SORCS2: variants seen among roughly 807,000 people sequenced by gnomAD.
SORCS2 encodes the protein sortilin related VPS10 domain containing receptor 2, also known as VPS10 domain-containing receptor SorCS2.
SORCS2 carries 100 observed loss-of-function variants against 141.6 expected under a neutral mutation model. The observed-to-expected ratio is 0.71, with a 90% CI of 0.60 to 0.83. The LOEUF is 0.83. Among genes scored for constraint, SORCS2 ranks in the 40% least tolerant of loss-of-function variants. The pLI, the probability that SORCS2 is intolerant of heterozygous loss-of-function variation, is 0.00. For synonymous variants in SORCS2, 789 were observed against 676.9 expected, an observed-to-expected ratio of 1.17 and a Z score of -2.57; for missense variants, 1,646 against 1,560.2, an observed-to-expected ratio of 1.05 and a Z score of -0.93.
intron 2 of SORCS2, chr4:7,434,070 G>A (rs34136551): frequency 0.041 from 66,543 of 1,611,320 alleles, 1,605 homozygotes; most frequent in Middle Eastern, 0.064. Context: ...AGGGGACCCC[G>A]TCCATGGCCA....
chr4:7,304,559 G>A (rs940521724), intron 1 of SORCS2, among the ~76,000 whole-genome samples: 7 of 152,252 alleles, frequency 4.6e-5, no homozygotes, highest in African/African-American at 7.2e-5. Context: ...GCCTGTGAGA[G>A]CCAGGTAGCG....
rs1366326130 is a variant in SORCS2 at position 7,193,827 on chromosome 4, G to A, written c.480+701G>A. On this transcript the variant is annotated intron_variant, in intron 1 of 26. Coordinates refer to ENST00000507866, the MANE Select transcript of SORCS2 (RefSeq NM_020777.3). This position sits in a 1 kb window ranked among gnomAD's most constrained non-coding sequence, Gnocchi z 4.8. ...TCCCTGCCCTCCCCCCACCTTCCCG[G>A]CTACTCTGGCTTTGCTCCAGCTGGA... 1.3e-5 allele frequency among the ~76,000 whole-genome samples: 2 copies of A among 152,134 alleles called. No individual in the cohort carries two copies. Among genetic ancestry groups the A allele is most frequent in the African/African-American group, 2.4e-5 (1 of 41,426 alleles).
intron 20 of SORCS2, 93 bp from the exon 21 acceptor site, chr4:7,726,686 CA>C: frequency 2.0e-6 from 3 of 1,502,542 alleles, no homozygotes; most frequent in Non-Finnish European, 2.7e-6. Flanking sequence ...AAGGGGACAG[CA>C]ATGCTCTCAG....
rs1054963701 is a variant in SORCS2, at chr4:7,451,991, C to T, written c.548+55636C>T. ...GCAGGAAGTGCCCTTCACAGTGTGACCCAGGCCCTATTCTGTGCCTTCTCT... is the reference window on the plus strand; with the variant it reads ...GCAGGAAGTGCCCTTCACAGTGTGATCCAGGCCCTATTCTGTGCCTTCTCT... On this transcript the variant is annotated intron_variant, in intron 2 of 26. Transcript: ENST00000507866. Among the ~76,000 whole-genome samples the T allele has an allele frequency of 9.2e-5, 14 of 152,176 alleles. 1 individual carries two copies. The highest frequency in any genetic ancestry group is 2.6e-4 in the Admixed American group (4 of 15,282).
intron 3 of SORCS2, among the ~76,000 whole-genome samples, chr4:7,540,163 TCCC>T (rs1712495975): frequency 6.5e-4 from 1 of 1,546 alleles, no homozygotes; most frequent in Non-Finnish European, 4.7e-3. Flanking sequence ...CCCCTGCCTC[TCCC>T]TGCCCCTCCC....
At chr4:7,403,961 G>GTATGTATATATATATATA (rs1724757831) in intron 2 of SORCS2, among the ~76,000 whole-genome samples, 2 of 29,888 alleles carry the variant, frequency 6.7e-5, no homozygotes, top group African/African-American at 2.1e-4. Context: ...CTCCATGTGT[G>GTATGTATATATATATATA]TATATATATA....
At chr4:7,646,065 C>T (rs61556250) in intron 4 of SORCS2, among the ~76,000 whole-genome samples, 3,834 of 152,358 alleles carry the variant, frequency 0.025, 170 homozygotes, top group African/African-American at 0.087. Flanking sequence ...CTTGCGCACC[C>T]GGCAGCCACG....
At chr4:7,215,946 G>GCT (rs1560117117) in intron 1 of SORCS2, among the ~76,000 whole-genome samples, 3 of 151,068 alleles carry the variant, frequency 2.0e-5, no homozygotes, top group African/African-American at 7.3e-5. Flanking sequence ...AAAGCAGGCT[G>GCT]CCGGAGCCAG....
intron 2 of SORCS2, among the ~76,000 whole-genome samples, chr4:7,487,033 T>TA (rs1731031417): frequency 6.6e-6 from 1 of 152,230 alleles, no homozygotes; most frequent in Non-Finnish European, 1.5e-5. Flanking sequence ...GCTGCCTGTC[T>TA]ACGGGGTGTT....
At chr4:7,261,423 C>T (rs145318246) in intron 1 of SORCS2, among the ~76,000 whole-genome samples, 36 of 152,328 alleles carry the variant, frequency 2.4e-4, no homozygotes, top group East Asian at 5.8e-4. Flanking sequence ...GCCATGCCTG[C>T]GTGGCCAAGG....
intron 22 of SORCS2, among the ~76,000 whole-genome samples, chr4:7,728,709 T>C (rs2148890214): frequency 6.6e-6 from 1 of 152,316 alleles, no homozygotes; most frequent in East Asian, 1.9e-4. Flanking sequence ...GCACCCTCCA[T>C]GCACACAGTC....
intron 3 of SORCS2, among the ~76,000 whole-genome samples, chr4:7,629,586 T>C (rs947715414): frequency 1.3e-5 from 2 of 148,928 alleles, no homozygotes; most frequent in African/African-American, 5.0e-5. Flanking sequence ...CACCCGCTGA[T>C]CTCTGCAGGG....
intron 2 of SORCS2, among the ~76,000 whole-genome samples, chr4:7,507,517 A>C (rs923378693): frequency 5.9e-5 from 9 of 152,182 alleles, no homozygotes. Context: ...AGTGTCTAAG[A>C]ATAGAAAAAT....
chr4:7,683,606 G>T (rs1340926559), intron 10 of SORCS2, among the ~76,000 whole-genome samples: 1 of 152,190 alleles, frequency 6.6e-6, no homozygotes, highest in Non-Finnish European at 1.5e-5. Flanking sequence ...AATCTTACTG[G>T]TCAACATCAA....
chr4:7,327,664 A>G (rs1177244475), intron 1 of SORCS2, among the ~76,000 whole-genome samples: 1 of 152,114 alleles, frequency 6.6e-6, no homozygotes, highest in African/African-American at 2.4e-5. Context: ...TTGCCCCTGC[A>G]GTGTCTCCCG....
At chr4:7,433,234 T>C (rs915897871) in intron 2 of SORCS2, 11 of 1,309,704 alleles carry the variant, frequency 8.4e-6, no homozygotes, top group Non-Finnish European at 1.1e-5. Context: ...AGCTTCAGTT[T>C]TTCATTTGTG....
Position 7,238,315 on chromosome 4 carries a change from C to T in SORCS2, c.480+45189C>T, listed in dbSNP as rs141696057. On this transcript the variant is annotated intron_variant, in intron 1 of 26. Transcript: ENST00000507866. ...TGGGGGGGGTTGCTGGTACTGCATACAGCTTTGTGTGTTGCTAATGATGCT... is the reference window on the plus strand; with the variant it reads ...TGGGGGGGGTTGCTGGTACTGCATATAGCTTTGTGTGTTGCTAATGATGCT... Among the ~76,000 whole-genome samples the T allele has an allele frequency of 3.9e-3, 593 of 152,202 alleles. 2 individuals are homozygous for T. Among genetic ancestry groups the T allele is most frequent in the Non-Finnish European group, 6.3e-3 (427 of 68,024 alleles).
At chr4:7,549,664 A>C (rs1713533915) in intron 3 of SORCS2, among the ~76,000 whole-genome samples, 1 of 152,232 alleles carries the variant, frequency 6.6e-6, no homozygotes, top group African/African-American at 2.4e-5. Context: ...GCACTGGTGC[A>C]AGCACATAGT....
At chr4:7,570,469 C>G (rs1715315273) in intron 3 of SORCS2, among the ~76,000 whole-genome samples, 1 of 152,252 alleles carries the variant, frequency 6.6e-6, no homozygotes, top group South Asian at 2.1e-4. Context: ...GGAGGCGCCC[C>G]CAGCAGCTAA....
Sources: allele counts gnomAD v4.1 joint callset (sites outside exome capture counted in the v4.1 genomes callset), GRCh38; gene constraint gnomAD v4.1.1; non-coding constraint Gnocchi (gnomAD v3.1); transcripts MANE v1.5; gene names NCBI Gene and HGNC (gene_info 2026-07-23, HGNC 2026-07-21).